PRTG: variants seen among roughly 807,000 people sequenced by gnomAD.
PRTG encodes the protein protogenin.
PRTG carries 67 observed loss-of-function variants against 122.5 expected under a neutral mutation model. The observed-to-expected ratio is 0.55, with a 90% CI of 0.45 to 0.67. PRTG has a LOEUF of 0.67. PRTG is among the 30% of genes least tolerant of loss of function. PRTG has a pLI of 0.00. For synonymous variants in PRTG, 554 were observed against 501.1 expected, an observed-to-expected ratio of 1.11 and a Z score of -1.41; for missense variants, 1,435 against 1,415.4, an observed-to-expected ratio of 1.01 and a Z score of -0.22.
At chr15:55,681,173 G>A (rs942405343) in intron 4 of PRTG, 4 of 151,664 alleles carry the variant, frequency 2.6e-5, no homozygotes, top group Admixed American at 6.6e-5. Context: ...GTTATTTTCC[G>A]TATCATTACT....
rs1450338382 is a variant in PRTG, at chr15:55,618,934, A to C, written c.*1078T>G. On this transcript the variant is annotated 3_prime_UTR_variant, in exon 20 of 20. Transcript: ENST00000389286. The stretch of plus-strand genomic sequence containing the variant: ...CATTTTACTGTCTACTGTTGCATTT[A>C]CCTTCATTCTTAATAGTTCATGAAA... 1 of 152,198 alleles carries C rather than the reference A, an allele frequency of 6.6e-6. No homozygotes were observed. Among genetic ancestry groups the C allele is most frequent in the Admixed American group, 6.5e-5 (1 of 15,278 alleles). 9.4% of individuals were successfully genotyped at this position (152,198 alleles called of 1,614,324 possible).
intron 16 of PRTG, among the ~76,000 whole-genome samples, chr15:55,627,492 GT>G (rs35022592): frequency 0.49 from 51,098 of 104,786 alleles, 10,073 homozygotes; most frequent in East Asian, 0.79. Flanking sequence ...GCCCAGCTAA[GT>G]TTTTTTTTTT....
chr15:55,693,195 G>A (rs1192954756), intron 2 of PRTG, among the ~76,000 whole-genome samples: 1 of 152,016 alleles, frequency 6.6e-6, no homozygotes, highest in Non-Finnish European at 1.5e-5. Flanking sequence ...GGTGGCTCAC[G>A]CCTATAATCC....
intron 11 of PRTG, among the ~76,000 whole-genome samples, chr15:55,657,044 A>C (rs2059384156): frequency 6.6e-6 from 1 of 152,228 alleles, no homozygotes; most frequent in African/African-American, 2.4e-5. Context: ...TAGAATGTCA[A>C]TTTGTAAAAT....
chr15:55,669,703 T>C (rs943322487), intron 11 of PRTG, among the ~76,000 whole-genome samples: 1 of 152,178 alleles, frequency 6.6e-6, no homozygotes, highest in African/African-American at 2.4e-5. Flanking sequence ...AATACTTGAA[T>C]CCACACAACT....
In PRTG at chr15:55,677,763, G is replaced by A. The variant is rs758923126; in HGVS notation, c.1381+34C>T. 1.3e-5 allele frequency: 20 copies of A among 1,598,366 alleles called. 1 individual carries two copies. In the Admixed American group the frequency reaches 1.5e-4, roughly 12 times the overall value. On this transcript the variant is annotated intron_variant, in intron 8 of 19. Transcript: ENST00000389286. ...GAAAACAAATCCTTGATAGCAAGGAGTACTTAAAAATAAGCACTCCTAAAA... is the reference window on the plus strand; with the variant it reads ...GAAAACAAATCCTTGATAGCAAGGAATACTTAAAAATAAGCACTCCTAAAA...
intron 11 of PRTG, among the ~76,000 whole-genome samples, chr15:55,645,785 C>T (rs140710567): frequency 6.6e-6 from 1 of 152,204 alleles, no homozygotes; most frequent in East Asian, 1.9e-4. Context: ...TTGTGTTAAG[C>T]ACTGCCACGT....
chr15:55,665,300 C>CA (rs899324836), intron 11 of PRTG, among the ~76,000 whole-genome samples: 1 of 151,728 alleles, frequency 6.6e-6, no homozygotes, highest in African/African-American at 2.4e-5. Flanking sequence ...AACCTAATGT[C>CA]AAAATTCCTT....
chr15:55,635,938 A>G (rs1392774325), intron 15 of PRTG, among the ~76,000 whole-genome samples: 1 of 152,058 alleles, frequency 6.6e-6, no homozygotes, highest in Non-Finnish European at 1.5e-5. Context: ...TCTTCTCAGA[A>G]TATATGTCTA....
intron 2 of PRTG, among the ~76,000 whole-genome samples, chr15:55,734,715 G>A (rs1343128012): frequency 2.0e-5 from 3 of 148,230 alleles, no homozygotes; most frequent in East Asian, 2.0e-4. Context: ...GTTTTTAAAC[G>A]CTCATCAAAA....
intron 11 of PRTG, among the ~76,000 whole-genome samples, chr15:55,658,403 C>A (rs1214225426): frequency 6.6e-6 from 1 of 151,842 alleles, no homozygotes; most frequent in Admixed American, 6.6e-5. Flanking sequence ...GCAACCTCTG[C>A]CTCCCAGGTT....
At chr15:55,701,677 CCTAATTG>C (rs1250536922) in intron 2 of PRTG, among the ~76,000 whole-genome samples, 1 of 152,146 alleles carries the variant, frequency 6.6e-6, no homozygotes, top group Non-Finnish European at 1.5e-5. Flanking sequence ...CTGGAAACAA[CCTAATTG>C]TCCTTCAAAG....
intron 7 of PRTG, among the ~76,000 whole-genome samples, chr15:55,679,002 T>C (rs1431136355): frequency 6.6e-6 from 1 of 152,184 alleles, no homozygotes; most frequent in African/African-American, 2.4e-5. Flanking sequence ...TTAACTCTAG[T>C]GGTGGCTTAA....
chr15:55,711,010 G>A (rs1259400240), intron 2 of PRTG, among the ~76,000 whole-genome samples: 1 of 151,622 alleles, frequency 6.6e-6, no homozygotes, highest in African/African-American at 2.4e-5. Context: ...GGGTTCCAGT[G>A]ATTCTCCTGC....
In PRTG at chr15:55,680,760, A is replaced by C. The variant is rs973147795; in HGVS notation, c.677-132T>G. The C allele has an allele frequency of 1.0e-5, 5 of 499,096 alleles. No homozygotes were observed. In the Admixed American group the frequency reaches 1.6e-4, roughly 16 times the overall value. 30.9% of individuals were successfully genotyped at this position (499,096 alleles called of 1,614,324 possible). On this transcript the variant is annotated intron_variant, in intron 4 of 19. Coordinates refer to ENST00000389286, the MANE Select transcript of PRTG (RefSeq NM_173814.6). Reference sequence around the variant, plus strand: ...AACTTTATTGAGATATAACTCACATACCATCCAATTCACCCATCTGAAGTA... The same window carrying C: ...AACTTTATTGAGATATAACTCACATCCCATCCAATTCACCCATCTGAAGTA...
Position 55,616,841 on chromosome 15 carries a change from C to T in PRTG, c.*3171G>A, listed in dbSNP as rs2059143952. The T allele has an allele frequency of 6.6e-6, 1 of 152,032 alleles. No individual in the cohort carries two copies. Among genetic ancestry groups the T allele is most frequent in the African/African-American group, 2.4e-5 (1 of 41,400 alleles). The allele number at this position is 152,032 out of a possible 1,614,324, so 9.4% of individuals were successfully genotyped here. On this transcript the variant is annotated 3_prime_UTR_variant, in exon 20 of 20. Transcript: ENST00000389286. ...TATTTTTTGCTACTAAAGCTAGATTCTCTATCGGCCTCTAAATAAATTTAT... is the reference window on the plus strand; with the variant it reads ...TATTTTTTGCTACTAAAGCTAGATTTTCTATCGGCCTCTAAATAAATTTAT...
Position 55,743,126 on chromosome 15 carries a change from G to A in PRTG, c.-195C>T, listed in dbSNP as rs1338618567. 14 of 1,262,870 alleles carry A rather than the reference G, an allele frequency of 1.1e-5. No individual in the cohort carries two copies. Among genetic ancestry groups the A allele is most frequent in the Non-Finnish European group, 1.3e-5 (13 of 1,008,168 alleles). The allele number at this position is 1,262,870 out of a possible 1,614,324, so 78.2% of individuals were successfully genotyped here. On this transcript the variant is annotated 5_prime_UTR_variant, in exon 1 of 20. Transcript: ENST00000389286. ...GACGGCCGCTCGCGAGAAGCAAGGG[G>A]CCTGAGAGTCCGGCTGGGGGCGGAG...
intron 2 of PRTG, among the ~76,000 whole-genome samples, chr15:55,730,019 C>T (rs1433211772): frequency 6.6e-6 from 1 of 152,194 alleles, no homozygotes; most frequent in East Asian, 1.9e-4. Flanking sequence ...AAACCTTACA[C>T]AAGTATAGTA....
rs552647798 is a variant in PRTG at position 55,720,353 on chromosome 15, C to T, written c.397+20029G>A. On this transcript the variant is annotated intron_variant, in intron 2 of 19. Coordinates refer to ENST00000389286, the MANE Select transcript of PRTG (RefSeq NM_173814.6). ...GCCTGGGCAATGGGGCGAGACTCTA[C>T]CTCCAAAAAACAAAACAAAACAAAA... Among the ~76,000 whole-genome samples the T allele has an allele frequency of 3.9e-5, 6 of 152,062 alleles. No individual in the cohort carries two copies. The South Asian group carries it at 1.2e-3, about 32-fold the overall frequency.
Sources: allele counts gnomAD v4.1 joint callset (sites outside exome capture counted in the v4.1 genomes callset), GRCh38; gene constraint gnomAD v4.1.1; transcripts MANE v1.5; gene names NCBI Gene and HGNC (gene_info 2026-07-23, HGNC 2026-07-21).